The following PRKDC variants were observed in gnomAD, a reference collection of about 807,000 sequenced individuals.
The protein encoded by PRKDC is DNA-dependent protein kinase catalytic subunit.
Under a neutral mutation model 486.9 loss-of-function variants are expected in PRKDC, and 82 were observed. The observed-to-expected ratio is 0.17, with a 90% CI of 0.14 to 0.20. The LOEUF (loss-of-function observed/expected upper bound fraction) is 0.20. PRKDC is among the 10% of genes least tolerant of loss of function. The pLI, the probability that PRKDC is intolerant of heterozygous loss-of-function variation, is 1.00. For synonymous variants in PRKDC, 1,895 were observed against 1,837.0 expected, an observed-to-expected ratio of 1.03 and a Z score of -0.81; for missense variants, 4,504 against 5,038.2, an observed-to-expected ratio of 0.89 and a Z score of 3.21.
intron 31 of PRKDC, among the ~76,000 whole-genome samples, 165 bp from the exon 32 acceptor site, chr8:47,890,645 A>G (rs1489998856): frequency 6.6e-6 from 1 of 152,172 alleles, no homozygotes; most frequent in African/African-American, 2.4e-5. Context: ...AGTGGCATTT[A>G]TTTTTTCTCA....
intron 11 of PRKDC, among the ~76,000 whole-genome samples, chr8:47,937,782 T>C (rs2090377480): frequency 6.6e-6 from 1 of 152,118 alleles, no homozygotes; most frequent in African/African-American, 2.4e-5. Context: ...CCTAAGCATA[T>C]TTAAAGTCGC....
In PRKDC at chr8:47,882,112, TTG is replaced by T; in HGVS notation, c.4777-17_4777-16del. 2 of 1,584,524 alleles carry T rather than the reference TTG, an allele frequency of 1.3e-6. No individual in the cohort carries two copies. The highest frequency in any genetic ancestry group is 1.7e-6 in the Non-Finnish European group (2 of 1,165,882). On this transcript the variant is annotated splice_polypyrimidine_tract_variant and intron_variant, in intron 36 of 85. Coordinates refer to ENST00000314191, the MANE Select transcript of PRKDC (RefSeq NM_006904.7). ...ACGGCACTCACCTGAGACAATTTCGTTGTGAGTGAAGAAAAATTCTTAATTTT... is the reference window on the plus strand; with the variant it reads ...ACGGCACTCACCTGAGACAATTTCGTTGAGTGAAGAAAAATTCTTAATTTT...
In PRKDC at chr8:47,879,468, A is replaced by T. The variant is rs770516809; in HGVS notation, c.5235+23T>A. On this transcript the variant is annotated intron_variant, in intron 39 of 85. Transcript: ENST00000314191. ...AAAAAAAAAACAGTGTTTTAATTTT[A>T]CTTGATACTACTAGAAACTAACCTT... 4.0e-6 allele frequency: 6 copies of T among 1,515,410 alleles called. No homozygotes were observed. The Admixed American group carries it at 1.4e-4, about 35-fold the overall frequency. 93.9% of individuals were successfully genotyped at this position (1,515,410 alleles called of 1,614,324 possible).
intron 84 of PRKDC, among the ~76,000 whole-genome samples, chr8:47,777,384 T>A (rs186593767): frequency 5.8e-4 from 89 of 152,218 alleles, no homozygotes; most frequent in African/African-American, 2.0e-3. Context: ...AATTTCTGTA[T>A]TTTTAGTAGA....
chr8:47,860,428 T>TA (rs1589748956), intron 45 of PRKDC, among the ~76,000 whole-genome samples: 1 of 152,266 alleles, frequency 6.6e-6, no homozygotes, highest in East Asian at 1.9e-4. Flanking sequence ...GAGTGAGCAG[T>TA]AAGAAGGGCT....
At chr8:47,866,496 T>C (rs1216677177) in intron 40 of PRKDC, among the ~76,000 whole-genome samples, 1 of 152,040 alleles carries the variant, frequency 6.6e-6, no homozygotes, top group African/African-American at 2.4e-5. Context: ...AAAGCTAAGA[T>C]AGTAAGGAGA....
chr8:47,803,732 C>G (rs1179942470), intron 69 of PRKDC, among the ~76,000 whole-genome samples: 1 of 152,054 alleles, frequency 6.6e-6, no homozygotes, highest in African/African-American at 2.4e-5. Flanking sequence ...GGAGGATTAC[C>G]TGAGTCTAGG....
At chr8:47,952,142 G>T (rs2154504506) in intron 7 of PRKDC, among the ~76,000 whole-genome samples, 1 of 152,270 alleles carries the variant, frequency 6.6e-6, no homozygotes, top group South Asian at 2.1e-4. Context: ...CAACAGCAGG[G>T]ACTGCCAACA....
At chr8:47,794,089 T>C (rs2086935799) in intron 74 of PRKDC, among the ~76,000 whole-genome samples, 1 of 152,190 alleles carries the variant, frequency 6.6e-6, no homozygotes, top group Non-Finnish European at 1.5e-5. Context: ...CAGTGTAAGA[T>C]GAAAGTATTT....
At chr8:47,775,203 A>AT (rs2086584551) in intron 85 of PRKDC, among the ~76,000 whole-genome samples, 6 of 151,070 alleles carry the variant, frequency 4.0e-5, no homozygotes, top group African/African-American at 1.5e-4. Flanking sequence ...AAATAAATAA[A>AT]TAAATAAATA....
intron 58 of PRKDC, among the ~76,000 whole-genome samples, chr8:47,834,629 G>C (rs1199475842): frequency 2.0e-5 from 3 of 151,212 alleles, no homozygotes; most frequent in Admixed American, 6.6e-5. Flanking sequence ...CACGCCACTT[G>C]CTCCCACCAC....
At chr8:47,868,259 CT>C (rs2088861823) in intron 40 of PRKDC, among the ~76,000 whole-genome samples, 1 of 152,020 alleles carries the variant, frequency 6.6e-6, no homozygotes, top group Admixed American at 6.6e-5. Flanking sequence ...GGTACAATTT[CT>C]TTTTAAATAT....
intron 40 of PRKDC, among the ~76,000 whole-genome samples, chr8:47,870,828 A>C (rs939955300): frequency 6.6e-6 from 1 of 152,216 alleles, no homozygotes; most frequent in African/African-American, 2.4e-5. Context: ...AACAAAATTC[A>C]ACATAATACA....
chr8:47,885,911 A>C (rs570103965), intron 36 of PRKDC, 33 bp downstream of exon 36: 30 of 1,593,708 alleles, frequency 1.9e-5, no homozygotes, highest in South Asian at 3.3e-5. Context: ...AACAAACAAA[A>C]AAAACAGTTT....
rs199731143 is a variant in PRKDC, at chr8:47,887,684, C to G, written c.4435G>C (p.Val1479Leu). 2,412 of 1,609,636 alleles carry G rather than the reference C, an allele frequency of 1.5e-3. 5 individuals carry two copies. Among genetic ancestry groups the G allele is most frequent in the Non-Finnish European group, 1.9e-3 (2,218 of 1,178,078 alleles). The change falls in exon 35 of 86, where the codon GTT becomes CTT. Residue 1479 changes from valine to leucine, a missense_variant. Coordinates refer to ENST00000314191, the MANE Select transcript of PRKDC (RefSeq NM_006904.7). ...ACCAGGGAAAGAAGTTCTGTGCCAA[C>G]AGAATGATGCAAATCTGTGGACTAA... ...PSQSTDLHHS[V>L]GTELLSLVYK... is the part of the protein sequence containing the mutation.
At chr8:47,878,517 G>A (rs763115171) in intron 39 of PRKDC, among the ~76,000 whole-genome samples, 7 of 152,020 alleles carry the variant, frequency 4.6e-5, no homozygotes, top group Admixed American at 1.3e-4. Context: ...AGGGACTCTC[G>A]CCCTTACTCT....
rs1307148705 is a variant in PRKDC at position 47,777,741 on chromosome 8, C to T, written c.11987G>A (p.Gly3996Asp). The change falls in exon 84 of 86, where the codon GGC becomes GAC. Residue 3996 changes from glycine to aspartate, a missense_variant. Coordinates refer to ENST00000314191, the MANE Select transcript of PRKDC (RefSeq NM_006904.7). ...HALRAFRSDP[G>D]LLTNTMDVFV... Reference sequence around the variant, plus strand: ...CACATCCATGGTGTTGGTGAGCAGGCCAGGGTCTGAGCGGAAGGCCCGGAG... The same window carrying T: ...CACATCCATGGTGTTGGTGAGCAGGTCAGGGTCTGAGCGGAAGGCCCGGAG... 2 of 1,613,344 alleles carry T rather than the reference C, an allele frequency of 1.2e-6. No homozygotes were observed. Among genetic ancestry groups the T allele is most frequent in the East Asian group, 4.5e-5 (2 of 44,864 alleles).
intron 52 of PRKDC, among the ~76,000 whole-genome samples, chr8:47,852,472 G>T (rs1359905412): frequency 6.6e-6 from 1 of 152,172 alleles, no homozygotes; most frequent in East Asian, 1.9e-4. Context: ...AGTTTCCAAG[G>T]TGTTTAAAAA....
chr8:47,898,826 A>G (rs2089630144), intron 28 of PRKDC, among the ~76,000 whole-genome samples: 1 of 152,266 alleles, frequency 6.6e-6, no homozygotes. Context: ...ACACACTCAG[A>G]GCAATGCCAT....
Sources: allele counts gnomAD v4.1 joint callset (sites outside exome capture counted in the v4.1 genomes callset), GRCh38; gene constraint gnomAD v4.1.1; transcripts MANE v1.5; gene names NCBI Gene and HGNC (gene_info 2026-07-23, HGNC 2026-07-21).